The following RORB variants were observed in gnomAD, a reference collection of about 807,000 sequenced individuals.
RORB encodes the protein nuclear receptor ROR-beta.
In RORB, 6 loss-of-function variants were observed where a neutral mutation model predicts 59.1. That is an observed-to-expected ratio of 0.10 (90% confidence interval 0.06 to 0.20). RORB has a LOEUF of 0.20. Among genes scored for constraint, RORB ranks in the 10% least tolerant of loss-of-function variants. RORB has a pLI of 1.00. For synonymous variants in RORB, 215 were observed against 204.5 expected, an observed-to-expected ratio of 1.05 and a Z score of -0.44; for missense variants, 320 against 560.5, an observed-to-expected ratio of 0.57 and a Z score of 4.33.
chr9:74,625,020 T>G (rs757611045), intron 1 of RORB, among the ~76,000 whole-genome samples: 3 of 151,934 alleles, frequency 2.0e-5, no homozygotes, highest in Non-Finnish European at 4.4e-5. Flanking sequence ...CCGGGTCAGA[T>G]GTCCTTAAGG....
rs1587427333 is a variant in RORB at position 74,691,390 on chromosome 9, A to T, written c.*5772A>T. The T allele has an allele frequency of 6.6e-6, 1 of 152,218 alleles. No homozygotes were observed. The highest frequency in any genetic ancestry group is 1.9e-4 in the East Asian group (1 of 5,196). 9.4% of individuals were successfully genotyped at this position (152,218 alleles called of 1,614,324 possible). A position where few individuals can be genotyped will look rare whatever the true frequency, so the allele number is the denominator to read the frequency against. ...GCCTCTGTCACAACCATACGTAGAAACACATTAGGTATGTCTGGAAAGCTA... is the reference window on the plus strand; with the variant it reads ...GCCTCTGTCACAACCATACGTAGAATCACATTAGGTATGTCTGGAAAGCTA... On this transcript the variant is annotated 3_prime_UTR_variant, in exon 10 of 10. Transcript: ENST00000376896.
At chr9:74,505,881 CA>C in intron 1 of RORB, among the ~76,000 whole-genome samples, 1 of 150,266 alleles carries the variant, frequency 6.7e-6, no homozygotes, top group East Asian at 2.0e-4. Flanking sequence ...CAATTGAAAA[CA>C]AAATCCTTTA....
intron 2 of RORB, among the ~76,000 whole-genome samples, chr9:74,630,919 C>T (rs961404004): frequency 2.6e-5 from 4 of 152,014 alleles, no homozygotes; most frequent in East Asian, 3.9e-4. Context: ...TTCACCTGCC[C>T]CCACCCACCT....
chr9:74,645,176 T>C (rs1156552850), intron 4 of RORB, among the ~76,000 whole-genome samples: 2 of 152,162 alleles, frequency 1.3e-5, no homozygotes, highest in Non-Finnish European at 2.9e-5. Flanking sequence ...TAAGCCTAAA[T>C]AGTGGTTTGG....
At chr9:74,559,476 C>T (rs951652007) in intron 1 of RORB, among the ~76,000 whole-genome samples, 3 of 152,200 alleles carry the variant, frequency 2.0e-5, no homozygotes, top group African/African-American at 7.2e-5. Context: ...TTCATATAAC[C>T]TTAGCTACCA....
At chr9:74,585,706 A>G (rs1033641611) in intron 1 of RORB, among the ~76,000 whole-genome samples, 1 of 152,016 alleles carries the variant, frequency 6.6e-6, no homozygotes, top group Non-Finnish European at 1.5e-5. Context: ...GCATATTACC[A>G]CTCAATTCTA....
rs1368799678 is a variant in RORB, at chr9:74,691,921, C to T, written c.*6303C>T. On this transcript the variant is annotated 3_prime_UTR_variant, in exon 10 of 10. Transcript: ENST00000376896. ...AAGATTGGCCTAAGACCTGCAAACT[C>T]CATCTATAACTAGAAAATACGAAAA... 1 of 151,982 alleles carries T rather than the reference C, an allele frequency of 6.6e-6. No individual in the cohort carries two copies. The highest frequency in any genetic ancestry group is 2.4e-5 in the African/African-American group (1 of 41,368). 9.4% of individuals were successfully genotyped at this position (151,982 alleles called of 1,614,324 possible). A position where few individuals can be genotyped will look rare whatever the true frequency, so the allele number is the denominator to read the frequency against.
At chr9:74,577,888 A>G (rs1587367311) in intron 1 of RORB, among the ~76,000 whole-genome samples, 1 of 152,108 alleles carries the variant, frequency 6.6e-6, no homozygotes, top group East Asian at 1.9e-4. Flanking sequence ...ACTAAAAGGA[A>G]CCTTGTGACC....
chr9:74,625,566 A>G (rs1823498140), intron 1 of RORB, among the ~76,000 whole-genome samples: 1 of 152,218 alleles, frequency 6.6e-6, no homozygotes, highest in Non-Finnish European at 1.5e-5. Flanking sequence ...GTGAGCTACA[A>G]TAACACTGCA....
chr9:74,578,934 C>T (rs1822677646), intron 1 of RORB, among the ~76,000 whole-genome samples: 1 of 152,088 alleles, frequency 6.6e-6, no homozygotes, highest in Non-Finnish European at 1.5e-5. Flanking sequence ...TACTCCAGCT[C>T]ACCAATCAGC....
chr9:74,646,375 T>C (rs755146852), intron 4 of RORB, among the ~76,000 whole-genome samples: 3 of 152,222 alleles, frequency 2.0e-5, no homozygotes, highest in Non-Finnish European at 2.9e-5. Flanking sequence ...TATGAGCAAC[T>C]GCATGCAGAT....
chr9:74,549,823 G>A (rs1196616367), intron 1 of RORB, among the ~76,000 whole-genome samples: 1 of 152,054 alleles, frequency 6.6e-6, no homozygotes, highest in African/African-American at 2.4e-5. Flanking sequence ...CCGCCTCCCG[G>A]GTTCAAGCGA....
intron 1 of RORB, chr9:74,615,747 G>A: frequency 3.3e-6 from 1 of 306,672 alleles, no homozygotes; most frequent in Admixed American, 4.4e-5. Context: ...TGATAGCTAG[G>A]TGTGGGGACA....
At chr9:74,590,940 C>T (rs988900604) in intron 1 of RORB, among the ~76,000 whole-genome samples, 3 of 152,088 alleles carry the variant, frequency 2.0e-5, no homozygotes, top group African/African-American at 4.8e-5. Context: ...GGACTACAGG[C>T]GCATGCCACC....
intron 3 of RORB, among the ~76,000 whole-genome samples, chr9:74,637,016 T>C (rs1823714250): frequency 6.6e-6 from 1 of 152,174 alleles, no homozygotes; most frequent in African/African-American, 2.4e-5. Flanking sequence ...GAAATTATGG[T>C]TGATTACCTA....
At chr9:74,562,614 C>A (rs1216472324) in intron 1 of RORB, among the ~76,000 whole-genome samples, 1 of 152,110 alleles carries the variant, frequency 6.6e-6, no homozygotes, top group East Asian at 1.9e-4. Context: ...CCAGTGTTGG[C>A]TCATGTATCT....
chr9:74,572,786 C>T (rs1198343917), intron 1 of RORB, among the ~76,000 whole-genome samples: 2 of 152,140 alleles, frequency 1.3e-5, no homozygotes, highest in African/African-American at 2.4e-5. Flanking sequence ...GTTTCCTCAT[C>T]CAGGTGTAAC....
chr9:74,613,559 T>C (rs1182563583), intron 1 of RORB, among the ~76,000 whole-genome samples: 1 of 152,156 alleles, frequency 6.6e-6, no homozygotes. Context: ...CCAGATGCCT[T>C]GGCCCCCCAC....
intron 3 of RORB, among the ~76,000 whole-genome samples, chr9:74,636,769 G>T (rs573394599): frequency 6.6e-6 from 1 of 152,196 alleles, no homozygotes; most frequent in Admixed American, 6.5e-5. Context: ...CGGGGGTGTG[G>T]GTGGGGTGGG....
Sources: allele counts gnomAD v4.1 joint callset (sites outside exome capture counted in the v4.1 genomes callset), GRCh38; gene constraint gnomAD v4.1.1; transcripts MANE v1.5; gene names NCBI Gene and HGNC (gene_info 2026-07-23, HGNC 2026-07-21).